The following FRMPD4 variants were observed in gnomAD, a reference collection of about 807,000 sequenced individuals.
FRMPD4 encodes the protein FERM and PDZ domain containing 4.
FRMPD4 carries 22 observed loss-of-function variants against 94.1 expected under a neutral mutation model. The observed-to-expected ratio is 0.23, with a 90% CI of 0.17 to 0.33. The LOEUF is 0.33. Ranked by LOEUF, FRMPD4 falls within the 10% of genes least tolerant of loss-of-function variation. The probability of loss-of-function intolerance (pLI) is 1.00; values close to 1 mark genes in which losing one functional copy is unlikely to be tolerated. For synonymous variants in FRMPD4, 631 were observed against 548.6 expected (o/e 1.15, Z -2.10); for missense variants, 1,111 against 1,339.9 (o/e 0.83, Z 2.67).
At chrX:12,528,809 T>C (rs2058255172) in intron 2 of FRMPD4, among the ~76,000 whole-genome samples, 1 of 112,265 alleles carries the variant, frequency 8.9e-6, no homozygotes, top group South Asian at 3.7e-4. Flanking sequence ...GTAGCACAGA[T>C]GTACTCTGTA....
intron 1 of FRMPD4, among the ~76,000 whole-genome samples, chrX:12,375,788 C>T (rs1006798754): frequency 3.6e-5 from 4 of 111,974 alleles, no homozygotes; most frequent in Admixed American, 1.9e-4. Context: ...ATAAAGAAAG[C>T]GGATCATTTG....
chrX:12,106,964 C>T (rs913592273), intron 3 of FRMPD4, among the ~76,000 whole-genome samples: 4 of 112,291 alleles, frequency 3.6e-5, no homozygotes, highest in Admixed American at 1.9e-4. Context: ...GTAGACTCCA[C>T]CTCTGGGGGC....
intron 11 of FRMPD4, 129 bp from the exon 12 acceptor site, chrX:12,706,697 C>A (rs774608687): frequency 3.6e-5 from 15 of 419,363 alleles, no homozygotes; most frequent in African/African-American, 3.3e-4. Flanking sequence ...AATGAATAGT[C>A]TTTGTCACAT....
chrX:11,933,650 A>C (rs1420168655), intron 3 of FRMPD4, among the ~76,000 whole-genome samples: 1 of 112,753 alleles, frequency 8.9e-6, no homozygotes, highest in Non-Finnish European at 1.9e-5. Flanking sequence ...TCAGGAGCCA[A>C]CTGTACTCAT....
intron 1 of FRMPD4, among the ~76,000 whole-genome samples, chrX:12,494,320 G>T (rs1421121380): frequency 2.7e-5 from 3 of 111,515 alleles, no homozygotes; most frequent in Non-Finnish European, 5.6e-5. Context: ...CCCCTCAGTT[G>T]TGACCACCAA....
intron 3 of FRMPD4, among the ~76,000 whole-genome samples, chrX:12,084,380 A>G (rs1446102234): frequency 2.7e-5 from 3 of 111,437 alleles, no homozygotes; most frequent in Non-Finnish European, 5.6e-5. Context: ...TGGAACTGTA[A>G]GTCCGATTAA....
intron 3 of FRMPD4, among the ~76,000 whole-genome samples, chrX:11,997,675 T>C (rs1355450696): frequency 9.0e-6 from 1 of 111,023 alleles, no homozygotes; most frequent in Non-Finnish European, 1.9e-5. Context: ...TCTCTTCTTA[T>C]GGTCATCATA....
chrX:12,137,954 G>T (rs2055623378), upstream of FRMPD4, among the ~76,000 whole-genome samples: 1 of 111,801 alleles, frequency 8.9e-6, no homozygotes, highest in Non-Finnish European at 1.9e-5. Flanking sequence ...CGCATCACGG[G>T]CTCCTGGGAC....
intron 2 of FRMPD4, among the ~76,000 whole-genome samples, chrX:12,563,597 C>T (rs2058680317): frequency 8.9e-6 from 1 of 112,153 alleles, no homozygotes; most frequent in African/African-American, 3.2e-5. Context: ...GGTTGCTATT[C>T]AGTTGCCTAT....
intron 3 of FRMPD4, among the ~76,000 whole-genome samples, chrX:12,014,273 G>A: frequency 8.9e-6 from 1 of 112,187 alleles, no homozygotes. Context: ...GCTCAAACAA[G>A]AGAGAAGACA....
chrX:12,404,516 G>T (rs774345589), intron 1 of FRMPD4, among the ~76,000 whole-genome samples: 1 of 112,015 alleles, frequency 8.9e-6, no homozygotes, highest in East Asian at 2.8e-4. Context: ...TCTAACTTCT[G>T]TCACTGGAAG....
At chrX:12,144,594 A>G (rs1168670648) in intron 1 of FRMPD4, among the ~76,000 whole-genome samples, 1 of 110,873 alleles carries the variant, frequency 9.0e-6, no homozygotes, top group African/African-American at 3.3e-5. Flanking sequence ...AATTCATTCT[A>G]ACATTTGTTG....
intron 2 of FRMPD4, among the ~76,000 whole-genome samples, chrX:12,543,303 A>G (rs1261392534): frequency 2.7e-5 from 3 of 111,664 alleles, no homozygotes; most frequent in African/African-American, 9.8e-5. Context: ...TGAACGGGCA[A>G]CCTACAGAAT....
At chrX:12,583,638 G>A (rs2058892161) in intron 2 of FRMPD4, 2 of 433,678 alleles carry the variant, frequency 4.6e-6, no homozygotes, top group Non-Finnish European at 7.9e-6. Flanking sequence ...CCCCGGCCCT[G>A]GCCAGGACCC....
chrX:12,170,638 C>T (rs1481764246), intron 1 of FRMPD4, among the ~76,000 whole-genome samples: 1 of 112,543 alleles, frequency 8.9e-6, no homozygotes, highest in African/African-American at 3.2e-5. Flanking sequence ...CTTCATAAGC[C>T]TCTAGATTTT....
chrX:12,199,189 CA>C (rs1340483798), intron 1 of FRMPD4, among the ~76,000 whole-genome samples: 1 of 109,501 alleles, frequency 9.1e-6, no homozygotes, highest in Non-Finnish European at 1.9e-5. Flanking sequence ...TTTTCACTAA[CA>C]TTTCTTTATT....
At chrX:12,464,070 G>A (rs1464202934) in intron 1 of FRMPD4, among the ~76,000 whole-genome samples, 1 of 111,383 alleles carries the variant, frequency 9.0e-6, no homozygotes, top group Admixed American at 9.6e-5. Context: ...TAAATATCTG[G>A]CCCATTGCCA....
chrX:12,118,386 A>G (rs2055426564), intron 3 of FRMPD4, among the ~76,000 whole-genome samples: 1 of 111,827 alleles, frequency 8.9e-6, no homozygotes, highest in Admixed American at 9.5e-5. Context: ...CTTTTTTTAT[A>G]CCAAATTGCT....
chrX:11,956,894 C>A (rs767712793), intron 3 of FRMPD4, among the ~76,000 whole-genome samples: 13 of 112,152 alleles, frequency 1.2e-4, no homozygotes, highest in Admixed American at 3.8e-4. Context: ...AGTCAATCAG[C>A]CTTAACCATA....
Sources: gnomAD v4.1 joint callset for allele counts (sites outside exome capture counted in the v4.1 genomes callset) on GRCh38, gnomAD v4.1.1 for gene constraint, MANE v1.5 for transcripts, NCBI Gene and HGNC (gene_info 2026-07-23, HGNC 2026-07-21) for gene names.